PRDM15: variants seen among roughly 807,000 people sequenced by gnomAD.
PRDM15 encodes PR/SET domain 15, also known as PR domain zinc finger protein 15.
In PRDM15, 64 loss-of-function variants were observed where a neutral mutation model predicts 128.6. The ratio of observed to expected loss-of-function variants is 0.50; its 90% CI spans 0.41 to 0.61. PRDM15 has a LOEUF of 0.61. Ranked by LOEUF, PRDM15 falls within the 20% of genes least tolerant of loss-of-function variation. The probability of loss-of-function intolerance (pLI) is 0.00; values close to 1 mark genes in which losing one functional copy is unlikely to be tolerated. For missense variants in PRDM15, 1,242 were observed against 1,569.1 expected (o/e 0.79, Z 3.52); for synonymous variants, 615 against 621.8 (o/e 0.99, Z 0.16).
In PRDM15 at chr21:41,859,206, C is replaced by A. The variant is rs575843305; in HGVS notation, c.131+386G>T. 1.2e-6 allele frequency: 2 copies of A among 1,613,810 alleles called. No individual in the cohort carries two copies. The highest frequency in any genetic ancestry group is 1.3e-5 in the African/African-American group (1 of 74,946). On this transcript the variant is annotated intron_variant, in intron 3 of 23. Transcript: ENST00000398548. This position sits in a 1 kb window ranked among gnomAD's most constrained non-coding sequence, Gnocchi z 5.3. The stretch of plus-strand genomic sequence containing the variant: ...ATCCCCTGCCCCGCCTGGGTGTGCA[C>A]GTGTCCGCTGGCAGGCCAAGACCTG...
Position 41,826,056 on chromosome 21 carries a change from T to C in PRDM15, c.1535-2A>G. 1.2e-6 allele frequency: 2 copies of C among 1,613,242 alleles called. No individual in the cohort carries two copies. The highest frequency in any genetic ancestry group is 8.5e-7 in the Non-Finnish European group (1 of 1,179,244). On this transcript the variant is annotated splice_acceptor_variant, in intron 12 of 23. Coordinates refer to ENST00000398548, the MANE Select transcript of PRDM15 (RefSeq NM_001040424.3). LOFTEE classifies it high-confidence loss of function. ...CCTCTCGCTTCACTCGCCGCACTCC[T>C]GAAATTGCCAACCCCACCAGCAAGA...
At chr21:41,853,369 C>T (rs1265460797) in intron 5 of PRDM15, among the ~76,000 whole-genome samples, 4 of 152,132 alleles carry the variant, frequency 2.6e-5, no homozygotes, top group Admixed American at 1.3e-4. Flanking sequence ...AAACAATGCT[C>T]GTATGAGAAT....
chr21:41,870,556 G>A (rs1234965977), intron 1 of PRDM15: 3 of 152,212 alleles, frequency 2.0e-5, no homozygotes, highest in Admixed American at 6.5e-5. Flanking sequence ...GGCTTCAGGG[G>A]GCTAGCGGGT....
chr21:41,809,992 C>A (rs2061809870), intron 21 of PRDM15, among the ~76,000 whole-genome samples, 162 bp downstream of exon 21: 2 of 152,252 alleles, frequency 1.3e-5, no homozygotes, highest in African/African-American at 2.4e-5. Flanking sequence ...TCACTCAGTG[C>A]CTCCTGTGTG....
chr21:41,852,515 C>T (rs2063461507), intron 5 of PRDM15, among the ~76,000 whole-genome samples: 1 of 152,276 alleles, frequency 6.6e-6, no homozygotes, highest in Non-Finnish European at 1.5e-5. Context: ...TTGGCAAAGC[C>T]ACGAGGGTGG....
At chr21:41,808,955 TCGTGCCAGC>T (rs1384450497) in intron 21 of PRDM15, among the ~76,000 whole-genome samples, 1 of 152,220 alleles carries the variant, frequency 6.6e-6, no homozygotes, top group Non-Finnish European at 1.5e-5. Flanking sequence ...GAGCGGCAAC[TCGTGCCAGC>T]CGGCCAGTGT....
intron 11 of PRDM15, among the ~76,000 whole-genome samples, chr21:41,830,269 TACAC>T (rs1194711658): frequency 3.0e-5 from 4 of 131,900 alleles, no homozygotes; most frequent in African/African-American, 1.2e-4. Context: ...CCCACACAAA[TACAC>T]ACTCAACACA....
At position 41,862,951 on chromosome 21, in the gene PRDM15, T is replaced by C. The variant is rs985835261; in HGVS notation, c.-9-2579A>G. Among the ~76,000 whole-genome samples the C allele has an allele frequency of 1.3e-5, 2 of 151,998 alleles. No homozygotes were observed. The highest frequency in any genetic ancestry group is 4.8e-5 in the African/African-American group (2 of 41,396). Reference sequence around the variant, plus strand: ...TTCAGAGATGAGGACGGGCGATCACTTCAGGTCAGGAGTTCGAGACCAGCC... The same window carrying C: ...TTCAGAGATGAGGACGGGCGATCACCTCAGGTCAGGAGTTCGAGACCAGCC... On this transcript the variant is annotated intron_variant, in intron 1 of 23. Transcript: ENST00000398548. This position sits in a 1 kb window ranked among gnomAD's most constrained non-coding sequence, Gnocchi z 4.1.
chr21:41,852,664 C>T (rs1192945686), intron 5 of PRDM15, among the ~76,000 whole-genome samples: 3 of 152,232 alleles, frequency 2.0e-5, no homozygotes, highest in Admixed American at 1.3e-4. Context: ...CTCACTTTAC[C>T]AACCTGGCCG....
At chr21:41,803,257 A>G in intron 22 of PRDM15, 2 of 357,452 alleles carry the variant, frequency 5.6e-6, no homozygotes, top group Middle Eastern at 8.9e-4. Context: ...GAGCTGCTAG[A>G]GCAAGGCTGA....
Position 41,798,966 on chromosome 21 carries a change from T to C in PRDM15, c.*2274A>G, listed in dbSNP as rs1032874901. The C allele has an allele frequency of 1.3e-5, 2 of 152,342 alleles. No homozygotes were observed. Among genetic ancestry groups the C allele is most frequent in the Middle Eastern group, 3.4e-3 (1 of 294 alleles). 9.4% of individuals were successfully genotyped at this position (152,342 alleles called of 1,614,324 possible). ...TTTACAGAAAACTTGGGAGTTTGATTTTTCTTTAGAGTTCTCACTTATAAC... is the reference window on the plus strand; with the variant it reads ...TTTACAGAAAACTTGGGAGTTTGATCTTTCTTTAGAGTTCTCACTTATAAC... On this transcript the variant is annotated 3_prime_UTR_variant, in exon 24 of 24. Coordinates refer to ENST00000398548, the MANE Select transcript of PRDM15 (RefSeq NM_001040424.3).
At chr21:41,869,100 CT>C (rs758638039) in intron 1 of PRDM15, among the ~76,000 whole-genome samples, 32 of 152,166 alleles carry the variant, frequency 2.1e-4, no homozygotes, top group Admixed American at 3.3e-4. Flanking sequence ...TATTTTCTCC[CT>C]GTCTGGGGCT....
At chr21:41,834,794 C>T (rs866371601) in intron 11 of PRDM15, among the ~76,000 whole-genome samples, 3 of 152,232 alleles carry the variant, frequency 2.0e-5, no homozygotes, top group African/African-American at 7.2e-5. Flanking sequence ...GTTTACTTGC[C>T]AGCAGCAAAT....
chr21:41,867,576 G>A (rs1033008318), intron 1 of PRDM15, among the ~76,000 whole-genome samples: 1 of 152,202 alleles, frequency 6.6e-6, no homozygotes, highest in East Asian at 1.9e-4. Context: ...CCGCATAGCT[G>A]GGAGTACAGC....
chr21:41,878,932 C>G lies in PRDM15; in HGVS notation c.-10+338G>C. ...CGCGCTGGGCCTGGCCGCGGGCGGG[C>G]GGGGGGCGCGAGGCAGGGGACGGGG... On this transcript the variant is annotated intron_variant, in intron 1 of 23. Transcript: ENST00000398548. 10 of 952,524 alleles carry G rather than the reference C, an allele frequency of 1.0e-5. 1 individual carries two copies. The South Asian group carries it at 4.7e-4, about 45-fold the overall frequency. 59.0% of individuals were successfully genotyped at this position (952,524 alleles called of 1,614,324 possible).
chr21:41,819,848 C>A, intron 17 of PRDM15, 147 bp from the exon 18 acceptor site: 3 of 1,035,790 alleles, frequency 2.9e-6, no homozygotes, highest in Non-Finnish European at 2.8e-6. Flanking sequence ...GCGGCCTCCA[C>A]AGAGCCCTCC....
intron 1 of PRDM15, among the ~76,000 whole-genome samples, chr21:41,876,611 ACC>A (rs1436544675): frequency 2.0e-5 from 3 of 151,826 alleles, no homozygotes; most frequent in Non-Finnish European, 2.9e-5. Context: ...AAGAGGAGGG[ACC>A]TTTCCTTAGG....
intron 11 of PRDM15, among the ~76,000 whole-genome samples, chr21:41,829,091 A>T (rs2062585253): frequency 6.9e-6 from 1 of 144,536 alleles, no homozygotes; most frequent in African/African-American, 2.6e-5. Context: ...CACACGCCCC[A>T]CAGAAATACA....
At position 41,821,121 on chromosome 21, in the gene PRDM15, T is replaced by C; in HGVS notation, c.2006A>G (p.Tyr669Cys). ...CNRRFALKAT[Y>C]HAHMVIHREN... The stretch of plus-strand genomic sequence containing the variant: ...ACGGTGGATGACCATGTGGGCGTGG[T>C]AGGTGGCCTTCAGTGCAAAGCGCCG... The change falls in exon 16 of 24, where the codon TAC becomes TGC. Residue 669 changes from tyrosine (Y) to cysteine (C), a missense_variant. By Grantham distance (194) the Tyr-to-Cys change is radical (BLOSUM62 -2). Around this residue, in one of 3 missense-constraint regions of PRDM15, gnomAD observed 602 missense variants for 788.3 expected, o/e 0.76. Coordinates refer to ENST00000398548, the MANE Select transcript of PRDM15 (RefSeq NM_001040424.3). This position sits in a 1 kb window ranked among gnomAD's most constrained non-coding sequence, Gnocchi z 5.4. 2 of 1,614,210 alleles carry C rather than the reference T, an allele frequency of 1.2e-6. No individual in the cohort carries two copies. Among genetic ancestry groups the C allele is most frequent in the South Asian group, 1.1e-5 (1 of 91,078 alleles).
Sources: gnomAD v4.1 joint callset for allele counts (sites outside exome capture counted in the v4.1 genomes callset) on GRCh38, gnomAD v4.1.1 for gene constraint, gnomAD v4.1.1 regional missense constraint, Gnocchi (gnomAD v3.1) non-coding constraint, MANE v1.5 for transcripts, NCBI Gene and HGNC (gene_info 2026-07-23, HGNC 2026-07-21) for gene names.